SEPTIN9: variants seen among roughly 807,000 people sequenced by gnomAD.
SEPTIN9 encodes septin-9.
In SEPTIN9, 13 loss-of-function variants were observed where a neutral mutation model predicts 56.6. That is an observed-to-expected ratio of 0.23 (90% CI 0.15 to 0.37). The LOEUF is 0.37. Among genes scored for constraint, SEPTIN9 ranks in the 10% least tolerant of loss-of-function variants. The pLI, the probability that SEPTIN9 is intolerant of heterozygous loss-of-function variation, is 1.00. For synonymous variants in SEPTIN9, 332 were observed against 334.1 expected (o/e 0.99, Z 0.07); for missense variants, 650 against 823.1 (o/e 0.79, Z 2.57).
chr17:77,449,809 A>G lies in SEPTIN9; in HGVS notation c.722-32335A>G, dbSNP rs1247230067. 1.3e-5 allele frequency among the ~76,000 whole-genome samples: 2 copies of G among 151,940 alleles called. No individual in the cohort carries two copies. Among genetic ancestry groups the G allele is most frequent in the East Asian group, 3.9e-4 (2 of 5,182 alleles). ...GCTTCTTGGAGGAAGGGGGAGCTGT[A>G]TTTTCTGAGTGGCCGCACTTCCTGG... On this transcript the variant is annotated intron_variant, in intron 3 of 11. Transcript: ENST00000427177. The surrounding 1 kb of genome is among the most constrained non-coding windows in gnomAD (Gnocchi z 4.6).
At chr17:77,416,111 G>A (rs1269066569) in intron 3 of SEPTIN9, among the ~76,000 whole-genome samples, 4 of 152,254 alleles carry the variant, frequency 2.6e-5, no homozygotes, top group African/African-American at 9.6e-5. Flanking sequence ...TTTGTTCAGC[G>A]TGGAATTTGA....
chr17:77,364,565 T>C (rs781433271), intron 2 of SEPTIN9, among the ~76,000 whole-genome samples: 2 of 152,106 alleles, frequency 1.3e-5, no homozygotes, highest in South Asian at 2.1e-4. Context: ...GGTGTCAACA[T>C]GTAGCCAGAG....
At chr17:77,486,770 T>G (rs2574850) in intron 4 of SEPTIN9, among the ~76,000 whole-genome samples, 83,520 of 152,018 alleles carry the variant, frequency 0.55, 24,142 homozygotes, top group African/African-American at 0.74. Flanking sequence ...GCACACACGG[T>G]CACTGTCCCT....
intron 3 of SEPTIN9, among the ~76,000 whole-genome samples, chr17:77,448,033 C>A (rs149511889): frequency 6.6e-6 from 1 of 152,134 alleles, no homozygotes; most frequent in Non-Finnish European, 1.5e-5. Context: ...TGAGAGATGC[C>A]GCTGTGTGTT....
In SEPTIN9 at chr17:77,330,896, A is replaced by G. The variant is rs1204744359; in HGVS notation, c.76+23699A>G. Among the ~76,000 whole-genome samples the G allele has an allele frequency of 3.3e-5, 5 of 152,140 alleles. No individual in the cohort carries two copies. Among genetic ancestry groups the G allele is most frequent in the Non-Finnish European group, 5.9e-5 (4 of 68,034 alleles). On this transcript the variant is annotated intron_variant, in intron 2 of 11. Transcript: ENST00000427177. This position sits in a 1 kb window ranked among gnomAD's most constrained non-coding sequence, Gnocchi z 4.4. The stretch of plus-strand genomic sequence containing the variant: ...CTCAGTCTGGGCTTGGTCTCCCGCA[A>G]TTCACCCTGCCCAGCCCCACACAGC...
At chr17:77,408,504 C>G (rs925787569) in intron 3 of SEPTIN9, among the ~76,000 whole-genome samples, 2 of 152,170 alleles carry the variant, frequency 1.3e-5, no homozygotes, top group African/African-American at 4.8e-5. Context: ...CGCACCGGGC[C>G]GTGTGTTCCA....
In SEPTIN9 at chr17:77,476,793, G is replaced by A. The variant is rs550335222; in HGVS notation, c.722-5351G>A. 6.6e-6 allele frequency among the ~76,000 whole-genome samples: 1 copy of A among 152,350 alleles called. No individual in the cohort carries two copies. The highest frequency in any genetic ancestry group is 2.1e-4 in the South Asian group (1 of 4,830). On this transcript the variant is annotated intron_variant, in intron 3 of 11. Transcript: ENST00000427177. The surrounding 1 kb of genome is among the most constrained non-coding windows in gnomAD (Gnocchi z 6.0). Reference sequence around the variant, plus strand: ...ACACCCTTGCTGCAAGAAGATGGGGGAGTTTGTCTGGGGCATGGTCTGGCG... The same window carrying A: ...ACACCCTTGCTGCAAGAAGATGGGGAAGTTTGTCTGGGGCATGGTCTGGCG...
intron 3 of SEPTIN9, among the ~76,000 whole-genome samples, chr17:77,466,124 A>C (rs1345701656): frequency 2.0e-5 from 3 of 151,420 alleles, no homozygotes; most frequent in Non-Finnish European, 2.9e-5. Flanking sequence ...ACTGTAACAC[A>C]AATGTGTGCC....
intron 1 of SEPTIN9, among the ~76,000 whole-genome samples, chr17:77,306,204 G>T (rs564626040): frequency 5.1e-4 from 77 of 152,178 alleles, no homozygotes; most frequent in Non-Finnish European, 1.0e-3. Context: ...TTGACCAGCA[G>T]CCAGCATGGT....
chr17:77,415,645 GAA>G (rs75771886), intron 3 of SEPTIN9, among the ~76,000 whole-genome samples: 1,014 of 76,764 alleles, frequency 0.013, 23 homozygotes, highest in African/African-American at 0.048. Context: ...AAAAAAAAAA[GAA>G]AAAAAAAGAA....
At chr17:77,480,160 C>CT (rs1302647831) in intron 3 of SEPTIN9, among the ~76,000 whole-genome samples, 1 of 152,152 alleles carries the variant, frequency 6.6e-6, no homozygotes, top group Non-Finnish European at 1.5e-5. Flanking sequence ...TGTGTGGACC[C>CT]CCCCTTGGCA....
At chr17:77,478,803 T>TA (rs528548050) in intron 3 of SEPTIN9, among the ~76,000 whole-genome samples, 4,673 of 102,612 alleles carry the variant, frequency 0.046, 258 homozygotes, top group South Asian at 0.24. Context: ...AAACTCTGTC[T>TA]AAAAAAAAAA....
intron 2 of SEPTIN9, among the ~76,000 whole-genome samples, chr17:77,345,232 G>A (rs968333242): frequency 2.6e-5 from 4 of 152,130 alleles, no homozygotes; most frequent in Admixed American, 2.6e-4. Context: ...TGAGATGGAT[G>A]GTGGTGATGG....
chr17:77,466,573 C>G (rs1233618002), intron 3 of SEPTIN9: 2 of 985,658 alleles, frequency 2.0e-6, no homozygotes, highest in South Asian at 9.4e-5. Context: ...AGGTCAACCC[C>G]AGGCCCTGGG....
At chr17:77,468,340 T>C (rs1022556738) in intron 3 of SEPTIN9, among the ~76,000 whole-genome samples, 11 of 134,078 alleles carry the variant, frequency 8.2e-5, no homozygotes, top group Admixed American at 7.8e-4. Flanking sequence ...GGAAAACAAG[T>C]GGGAGTTCTA....
chr17:77,295,594 G>A (rs2031774046), intron 1 of SEPTIN9, among the ~76,000 whole-genome samples: 1 of 152,202 alleles, frequency 6.6e-6, no homozygotes, highest in African/African-American at 2.4e-5. Flanking sequence ...AGCCAGCAGA[G>A]GTCGGCGTTT....
At chr17:77,377,991 C>G (rs933046049) in intron 2 of SEPTIN9, among the ~76,000 whole-genome samples, 10 of 152,056 alleles carry the variant, frequency 6.6e-5, no homozygotes, top group African/African-American at 2.4e-4. Flanking sequence ...AGTTCAGAGC[C>G]CAGGGCCAGA....
chr17:77,319,463 T>A lies in SEPTIN9; in HGVS notation c.76+12266T>A. The A allele has an allele frequency of 6.3e-6, 5 of 792,544 alleles. No individual in the cohort carries two copies. The highest frequency in any genetic ancestry group is 7.8e-6 in the Non-Finnish European group (5 of 640,694). The allele number at this position is 792,544 out of a possible 1,614,324, so 49.1% of individuals were successfully genotyped here. On this transcript the variant is annotated intron_variant, in intron 2 of 11. Coordinates refer to ENST00000427177, the MANE Select transcript of SEPTIN9 (RefSeq NM_001113491.2). This position sits in a 1 kb window ranked among gnomAD's most constrained non-coding sequence, Gnocchi z 5.3. ...ACTCATGCGTGTGTGGTAGGAATCT[T>A]CCAGGAAGTCCCCGTCCCGTTCGCC...
chr17:77,467,120 G>T (rs1185090139), intron 3 of SEPTIN9, among the ~76,000 whole-genome samples: 1 of 152,214 alleles, frequency 6.6e-6, no homozygotes, highest in Non-Finnish European at 1.5e-5. Flanking sequence ...CATGCAGGAC[G>T]GCAGATGGAT....
Sources: allele counts gnomAD v4.1 joint callset (sites outside exome capture counted in the v4.1 genomes callset), GRCh38; gene constraint gnomAD v4.1.1; non-coding constraint Gnocchi (gnomAD v3.1); transcripts MANE v1.5; gene names NCBI Gene and HGNC (gene_info 2026-07-23, HGNC 2026-07-21).